RNF175: variants seen among roughly 807,000 people sequenced by gnomAD.
RNF175 encodes ring finger protein 175.
In RNF175, 38 loss-of-function variants were observed where a neutral mutation model predicts 50.0. That is an observed-to-expected ratio of 0.76 (90% CI 0.59 to 1.00). RNF175 has a LOEUF of 1.00. RNF175 is among the 50% of genes least tolerant of loss of function. RNF175 has a pLI of 0.00. For synonymous variants in RNF175, 155 were observed against 146.1 expected (o/e 1.06, Z -0.44); for missense variants, 388 against 409.6 (o/e 0.95, Z 0.46).
At chr4:153,710,697 T>C (rs568281957) in intron 8 of RNF175, among the ~76,000 whole-genome samples, 43 of 152,264 alleles carry the variant, frequency 2.8e-4, no homozygotes, top group African/African-American at 1.0e-3. Context: ...TGAAAATAAA[T>C]TGAAGTTCTT....
intron 2 of RNF175, among the ~76,000 whole-genome samples, chr4:153,750,323 C>G (rs72731677): frequency 0.18 from 26,830 of 152,038 alleles, 3,063 homozygotes; most frequent in Non-Finnish European, 0.25. Context: ...GGGTTGGGTT[C>G]TCTCCCTCTG....
intron 4 of RNF175, among the ~76,000 whole-genome samples, chr4:153,724,300 C>G (rs1738537400): frequency 6.6e-6 from 1 of 152,194 alleles, no homozygotes; most frequent in Non-Finnish European, 1.5e-5. Context: ...AGGTTGGGAG[C>G]CCAGTTCCAT....
chr4:153,719,069 T>C (rs2127099477), intron 6 of RNF175, among the ~76,000 whole-genome samples: 1 of 152,356 alleles, frequency 6.6e-6, no homozygotes, highest in South Asian at 2.1e-4. Flanking sequence ...AGCTAGGTAC[T>C]AAGACCCACA....
intron 3 of RNF175, among the ~76,000 whole-genome samples, chr4:153,742,612 CA>C (rs922995013): frequency 6.6e-6 from 1 of 152,074 alleles, no homozygotes; most frequent in African/African-American, 2.4e-5. Context: ...GATATGAGAG[CA>C]AATAACTAGT....
chr4:153,723,402 A>G lies in RNF175; in HGVS notation c.458T>C (p.Val153Ala). ...TGTAAACATGATCGCCAAGTAACCC[A>G]CAACACCAAATGCATAGCTGAGTTT... ...IYKLSYAFGV[V>A]GYLAIMFTMC... Residue 153 changes from valine to alanine, a missense_variant, in exon 5 of 9, where the codon GTG (valine) becomes GCG (alanine). By Grantham distance (64) the Val-to-Ala change is moderately conservative. Transcript: ENST00000347063. The G allele has an allele frequency of 6.2e-7, 1 of 1,609,018 alleles. No individual in the cohort carries two copies. The highest frequency in any genetic ancestry group is 1.1e-5 in the South Asian group (1 of 90,710).
intron 3 of RNF175, among the ~76,000 whole-genome samples, chr4:153,733,648 G>A (rs1193273123): frequency 6.6e-6 from 1 of 152,136 alleles, no homozygotes; most frequent in African/African-American, 2.4e-5. Context: ...CAGTGAGGTT[G>A]TTTTCCATAT....
intron 1 of RNF175, among the ~76,000 whole-genome samples, chr4:153,758,021 C>T (rs561043586): frequency 6.6e-6 from 1 of 152,270 alleles, no homozygotes; most frequent in East Asian, 1.9e-4. Flanking sequence ...AGGCAGACCA[C>T]ATGGCTTTTC....
At chr4:153,738,195 G>A (rs1739450780) in intron 3 of RNF175, among the ~76,000 whole-genome samples, 1 of 151,966 alleles carries the variant, frequency 6.6e-6, no homozygotes, top group Non-Finnish European at 1.5e-5. Flanking sequence ...GACTACAGGA[G>A]CATGCCACTA....
chr4:153,737,120 A>C (rs922070116), intron 3 of RNF175, among the ~76,000 whole-genome samples: 7 of 152,158 alleles, frequency 4.6e-5, no homozygotes, highest in Admixed American at 6.5e-5. Flanking sequence ...CAGCCTCCCA[A>C]GTGCTGGGAT....
intron 3 of RNF175, chr4:153,729,643 T>G: frequency 1.0e-6 from 1 of 981,688 alleles, no homozygotes; most frequent in Non-Finnish European, 1.2e-6. Context: ...CTTCTTTCAA[T>G]GTCAGATAAG....
At chr4:153,754,334 C>G (rs985354416) in intron 1 of RNF175, among the ~76,000 whole-genome samples, 2 of 152,052 alleles carry the variant, frequency 1.3e-5, no homozygotes, top group African/African-American at 4.8e-5. Context: ...TGAAATTTGG[C>G]CATCCCAAAC....
Position 153,749,424 on chromosome 4 carries a change from A to T in RNF175, c.105-638T>A, listed in dbSNP as rs114249664. Among the ~76,000 whole-genome samples, 815 of 152,356 alleles carry T rather than the reference A, an allele frequency of 5.3e-3. 7 individuals are homozygous for T. Among genetic ancestry groups the T allele is most frequent in the African/African-American group, 0.018 (767 of 41,560 alleles). On this transcript the variant is annotated intron_variant, in intron 2 of 8. Coordinates refer to ENST00000347063, the MANE Select transcript of RNF175 (RefSeq NM_173662.4). The stretch of plus-strand genomic sequence containing the variant: ...AAAGGAAACCCTGCAGATGGTGCTT[A>T]TGCCAGAGGAGAGAATATTATCCAG...
At chr4:153,719,945 T>C (rs1304074029) in intron 6 of RNF175, among the ~76,000 whole-genome samples, 1 of 152,258 alleles carries the variant, frequency 6.6e-6, no homozygotes, top group African/African-American at 2.4e-5. Flanking sequence ...AGATGCCTTA[T>C]TGCACAAGTA....
Position 153,734,906 on chromosome 4 carries a change from G to A in RNF175, c.247-6545C>T, listed in dbSNP as rs1220460944. 5.3e-5 allele frequency among the ~76,000 whole-genome samples: 8 copies of A among 152,066 alleles called. No individual in the cohort carries two copies. In the East Asian group the frequency reaches 1.5e-3, roughly 29 times the overall value. On this transcript the variant is annotated intron_variant, in intron 3 of 8. Coordinates refer to ENST00000347063, the MANE Select transcript of RNF175 (RefSeq NM_173662.4). The stretch of plus-strand genomic sequence containing the variant: ...TTAGCCAGGATGGTCTCGATCTCCT[G>A]ACCTAGTGATCTGCCCACCTCGGCC...
intron 1 of RNF175, among the ~76,000 whole-genome samples, chr4:153,753,885 T>C (rs1740422742): frequency 6.6e-6 from 1 of 151,432 alleles, no homozygotes; most frequent in Non-Finnish European, 1.5e-5. Flanking sequence ...AGAAAATATT[T>C]TGAGGCTGGG....
At chr4:153,753,597 G>A (rs1441633094) in intron 1 of RNF175, among the ~76,000 whole-genome samples, 1 of 147,396 alleles carries the variant, frequency 6.8e-6, no homozygotes, top group Non-Finnish European at 1.5e-5. Flanking sequence ...TGCTTTTGTC[G>A]CCCAGGCTAG....
intron 3 of RNF175, among the ~76,000 whole-genome samples, chr4:153,731,732 T>A (rs1579066271): frequency 1.3e-5 from 2 of 151,526 alleles, no homozygotes. Flanking sequence ...AAGAAAAAAA[T>A]AAATAAATTA....
intron 3 of RNF175, among the ~76,000 whole-genome samples, chr4:153,735,507 G>T (rs1390566286): frequency 6.6e-6 from 1 of 152,052 alleles, no homozygotes; most frequent in African/African-American, 2.4e-5. Flanking sequence ...TCTATTGTGG[G>T]TCCTTTGCTT....
chr4:153,726,880 G>A (rs1183209288), intron 4 of RNF175, among the ~76,000 whole-genome samples: 2 of 152,198 alleles, frequency 1.3e-5, no homozygotes, highest in Non-Finnish European at 2.9e-5. Flanking sequence ...AGTTGTGCAG[G>A]CAGGAAGAAG....
Sources: gnomAD v4.1 joint callset for allele counts (sites outside exome capture counted in the v4.1 genomes callset) on GRCh38, gnomAD v4.1.1 for gene constraint, MANE v1.5 for transcripts, NCBI Gene and HGNC (gene_info 2026-07-23, HGNC 2026-07-21) for gene names.